The following SEMA5A variants were observed in gnomAD, a reference collection of about 807,000 sequenced individuals.
SEMA5A encodes semaphorin-5A.
Under a neutral mutation model 135.5 loss-of-function variants are expected in SEMA5A, and 55 were observed. That is an observed-to-expected ratio of 0.41 (90% confidence interval 0.33 to 0.51). The LOEUF is 0.51. SEMA5A is among the 20% of genes least tolerant of loss of function. The probability of loss-of-function intolerance (pLI) is 0.37; values close to 1 mark genes in which losing one functional copy is unlikely to be tolerated. For synonymous variants in SEMA5A, 580 were observed against 546.5 expected, an observed-to-expected ratio of 1.06 and a Z score of -0.85; for missense variants, 1,290 against 1,419.9, an observed-to-expected ratio of 0.91 and a Z score of 1.47.
intron 8 of SEMA5A, among the ~76,000 whole-genome samples, chr5:9,210,771 A>G (rs900343481): frequency 1.2e-4 from 19 of 152,108 alleles, no homozygotes; most frequent in African/African-American, 4.6e-4. Context: ...GGATAATGCA[A>G]TCTCCCTTAA....
chr5:9,051,830 T>A, intron 20 of SEMA5A, 43 bp downstream of exon 20: 1 of 1,610,372 alleles, frequency 6.2e-7, no homozygotes, highest in Non-Finnish European at 8.5e-7. Context: ...CTCTCCATGT[T>A]GGAAATGATT....
intron 16 of SEMA5A, among the ~76,000 whole-genome samples, chr5:9,072,191 A>T (rs1737805606): frequency 6.6e-6 from 1 of 152,192 alleles, no homozygotes; most frequent in African/African-American, 2.4e-5. Flanking sequence ...AATGAAGGTC[A>T]GTGATCACTG....
At chr5:9,191,111 A>T (rs3846576) in intron 10 of SEMA5A, among the ~76,000 whole-genome samples, 22,324 of 152,176 alleles carry the variant, frequency 0.15, 1,877 homozygotes, top group Admixed American at 0.26. Flanking sequence ...TTATAAGAAG[A>T]ACAGGAGATG....
chr5:9,048,022 TGCTGAGGCATCA>T (rs996458891), intron 21 of SEMA5A, among the ~76,000 whole-genome samples: 1 of 152,168 alleles, frequency 6.6e-6, no homozygotes, highest in Admixed American at 6.5e-5. Context: ...TAGCCAGCTC[TGCTGAGGCATCA>T]GCTGTTTGAG....
chr5:9,414,803 AG>A (rs1320405827), intron 2 of SEMA5A, among the ~76,000 whole-genome samples: 1 of 152,214 alleles, frequency 6.6e-6, no homozygotes, highest in African/African-American at 2.4e-5. Flanking sequence ...ACCCTGGGAA[AG>A]TGACATATTT....
intron 5 of SEMA5A, among the ~76,000 whole-genome samples, chr5:9,268,462 T>G (rs182579077): frequency 6.6e-6 from 1 of 152,212 alleles, no homozygotes; most frequent in African/African-American, 2.4e-5. Context: ...GGGAAGGAAA[T>G]GTAAAGCTTA....
intron 8 of SEMA5A, among the ~76,000 whole-genome samples, chr5:9,203,482 A>G (rs1221240033): frequency 2.6e-5 from 4 of 152,234 alleles, no homozygotes; most frequent in African/African-American, 9.6e-5. Flanking sequence ...AGTAAGACAC[A>G]TAAATGGAAT....
intron 5 of SEMA5A, among the ~76,000 whole-genome samples, chr5:9,308,141 G>C (rs1287281592): frequency 6.6e-6 from 1 of 152,104 alleles, no homozygotes; most frequent in Non-Finnish European, 1.5e-5. Flanking sequence ...ATACCTAAAA[G>C]TATTGAGTAT....
At chr5:9,405,124 C>T (rs905677370) in intron 2 of SEMA5A, among the ~76,000 whole-genome samples, 4 of 152,138 alleles carry the variant, frequency 2.6e-5, no homozygotes, top group Non-Finnish European at 5.9e-5. Context: ...TTTCTGAGAC[C>T]GTGTGCACAT....
At chr5:9,050,378 T>A in intron 21 of SEMA5A, 32 bp downstream of exon 21, 1 of 1,576,638 alleles carries the variant, frequency 6.3e-7, no homozygotes, top group Non-Finnish European at 8.7e-7. Context: ...TATCAGTACA[T>A]CCATTACAAC....
chr5:9,085,337 CCCCTCTCATTACAGG>C lies in SEMA5A; in HGVS notation c.2074-18706_2074-18692del, dbSNP rs557490634. 3.1e-4 allele frequency among the ~76,000 whole-genome samples: 47 copies of C among 152,274 alleles called. 1 individual carries two copies. The East Asian group carries it at 8.5e-3, about 28-fold the overall frequency. On this transcript the variant is annotated intron_variant, in intron 16 of 22. Coordinates refer to ENST00000382496, the MANE Select transcript of SEMA5A (RefSeq NM_003966.3). ...GGCAGGTCAGAGGTCTTCACGGCAG[CCCCTCTCATTACAGG>C]CCCAGAGGCCTAGGAGGAAAAAGTG... is the stretch of plus-strand genomic sequence containing the variant.
At chr5:9,469,134 G>A (rs1759380560) in intron 1 of SEMA5A, among the ~76,000 whole-genome samples, 1 of 152,016 alleles carries the variant, frequency 6.6e-6, no homozygotes, top group African/African-American at 2.4e-5. Context: ...TCAGCCTCCT[G>A]AGTAGCTGGG....
At chr5:9,458,291 G>A (rs1758923605) in intron 1 of SEMA5A, among the ~76,000 whole-genome samples, 1 of 152,094 alleles carries the variant, frequency 6.6e-6, no homozygotes, top group South Asian at 2.1e-4. Flanking sequence ...ATGACAAAGG[G>A]CCTTCTTTGT....
chr5:9,153,770 G>A (rs1032042350), intron 12 of SEMA5A, among the ~76,000 whole-genome samples: 8 of 151,926 alleles, frequency 5.3e-5, no homozygotes, highest in Admixed American at 2.6e-4. Context: ...TTGAGGCCAG[G>A]TGCAGTAGCT....
chr5:9,305,938 C>T (rs908051442), intron 5 of SEMA5A, among the ~76,000 whole-genome samples: 95 of 152,102 alleles, frequency 6.2e-4, no homozygotes, highest in African/African-American at 2.2e-3. Context: ...ACAAAGTGAG[C>T]GAGCAGGAAG....
At chr5:9,130,398 G>T (rs1335227269) in intron 13 of SEMA5A, among the ~76,000 whole-genome samples, 1 of 152,106 alleles carries the variant, frequency 6.6e-6, no homozygotes, top group African/African-American at 2.4e-5. Flanking sequence ...GGGAAAGCTT[G>T]TCTCATGCTA....
chr5:9,460,601 G>A (rs904518794), intron 1 of SEMA5A, among the ~76,000 whole-genome samples: 12 of 152,072 alleles, frequency 7.9e-5, no homozygotes, highest in Admixed American at 3.3e-4. Context: ...GAAGCAAAAC[G>A]ATTTTGATTA....
intron 11 of SEMA5A, among the ~76,000 whole-genome samples, chr5:9,185,472 T>G (rs745878014): frequency 2.0e-5 from 3 of 152,262 alleles, no homozygotes; most frequent in Non-Finnish European, 4.4e-5. Context: ...TGTGTGTGTA[T>G]GTCTTCTTCC....
At chr5:9,455,641 A>G (rs1185877220) in intron 1 of SEMA5A, among the ~76,000 whole-genome samples, 2 of 152,228 alleles carry the variant, frequency 1.3e-5, no homozygotes, top group Non-Finnish European at 2.9e-5. Context: ...GAAGGGTTTT[A>G]AACTGCAATC....
Sources: gnomAD v4.1 joint callset for allele counts (sites outside exome capture counted in the v4.1 genomes callset) on GRCh38, gnomAD v4.1.1 for gene constraint, MANE v1.5 for transcripts, NCBI Gene and HGNC (gene_info 2026-07-23, HGNC 2026-07-21) for gene names.